The following OSBP2 variants were observed in gnomAD, a reference collection of about 807,000 sequenced individuals.
The protein encoded by OSBP2 is oxysterol-binding protein 2.
A neutral mutation model predicts 96.0 loss-of-function variants in OSBP2; 66 were observed. The observed-to-expected ratio is 0.69, with a 90% CI of 0.56 to 0.84. The LOEUF is 0.84. OSBP2 is among the 40% of genes least tolerant of loss of function. OSBP2 has a pLI of 0.00. For synonymous variants in OSBP2, 525 were observed against 520.9 expected (o/e 1.01, Z -0.11); for missense variants, 1,038 against 1,222.7 (o/e 0.85, Z 2.25).
intron 1 of OSBP2, among the ~76,000 whole-genome samples, chr22:30,696,075 T>A (rs1304924017): frequency 1.3e-5 from 2 of 152,140 alleles, no homozygotes; most frequent in East Asian, 3.9e-4. Context: ...CACCACAGAC[T>A]CACAGATGTA....
chr22:30,836,734 C>A (rs761495649), intron 2 of OSBP2, among the ~76,000 whole-genome samples: 69 of 152,208 alleles, frequency 4.5e-4, no homozygotes, highest in Admixed American at 1.0e-3. Context: ...GCCCCAGGGT[C>A]AGCAGACACA....
At chr22:30,853,960 C>T (rs530605144) in intron 2 of OSBP2, among the ~76,000 whole-genome samples, 34 of 152,028 alleles carry the variant, frequency 2.2e-4, no homozygotes, top group East Asian at 5.8e-4. Context: ...GGGGTTTCAC[C>T]GTGTTAGCCA....
In OSBP2 at chr22:30,736,812, G is replaced by A. The variant is rs368607121; in HGVS notation, c.645-4349G>A. Reference sequence around the variant, plus strand: ...AATCCAAGATTCTGTATTGCATTTAGTGATTTTTCTGTGTCCATAATTTCA... The same window carrying A: ...AATCCAAGATTCTGTATTGCATTTAATGATTTTTCTGTGTCCATAATTTCA... On this transcript the variant is annotated intron_variant, in intron 1 of 13. Coordinates refer to ENST00000332585, the MANE Select transcript of OSBP2 (RefSeq NM_030758.4). Among the ~76,000 whole-genome samples, 104 of 152,144 alleles carry A rather than the reference G, an allele frequency of 6.8e-4. 1 individual carries two copies. The South Asian group carries it at 0.02, about 29-fold the overall frequency.
chr22:30,888,490 G>A (rs2039866590), intron 5 of OSBP2, 150 bp downstream of exon 5: 1 of 650,556 alleles, frequency 1.5e-6, no homozygotes, highest in Non-Finnish European at 2.7e-6. Flanking sequence ...ACTTTGGGAG[G>A]CCAAGGGTAA....
chr22:30,795,896 T>C (rs2145833287), intron 2 of OSBP2, among the ~76,000 whole-genome samples: 1 of 152,398 alleles, frequency 6.6e-6, no homozygotes, highest in Middle Eastern at 3.4e-3. Context: ...TTTCCAATTC[T>C]GTTGAAATGC....
intron 2 of OSBP2, among the ~76,000 whole-genome samples, chr22:30,742,880 G>C (rs2089957745): frequency 6.6e-6 from 1 of 152,138 alleles, no homozygotes; most frequent in Non-Finnish European, 1.5e-5. Context: ...GGGTCAGTGG[G>C]CGCGTACATT....
chr22:30,802,592 A>G (rs572577160), intron 2 of OSBP2, among the ~76,000 whole-genome samples: 1 of 152,310 alleles, frequency 6.6e-6, no homozygotes, highest in East Asian at 1.9e-4. Context: ...TAAGAGGCTG[A>G]GGTGCGCCTT....
chr22:30,802,706 G>A (rs2090868420), intron 2 of OSBP2, among the ~76,000 whole-genome samples: 1 of 152,270 alleles, frequency 6.6e-6, no homozygotes, highest in African/African-American at 2.4e-5. Flanking sequence ...GCTGAGGCGT[G>A]CCGGATCCTC....
chr22:30,896,679 GCT>G lies in OSBP2; in HGVS notation c.2375+2681_2375+2682del, dbSNP rs112876554. 5.5e-3 allele frequency among the ~76,000 whole-genome samples: 810 copies of G among 148,160 alleles called. 11 individuals are homozygous for G. The highest frequency in any genetic ancestry group is 0.02 in the African/African-American group (789 of 39,964). ...TTTTTTTTTTAAGAGACAGAGTCTCGCTCTGTTACCCAGGCTGGTATCCAGTG... is the reference window on the plus strand; with the variant it reads ...TTTTTTTTTTAAGAGACAGAGTCTCGCTGTTACCCAGGCTGGTATCCAGTG... On this transcript the variant is annotated intron_variant, in intron 12 of 13. Transcript: ENST00000332585.
chr22:30,862,255 C>T (rs1320263550), intron 2 of OSBP2, among the ~76,000 whole-genome samples: 1 of 152,214 alleles, frequency 6.6e-6, no homozygotes, highest in Non-Finnish European at 1.5e-5. Flanking sequence ...CCCTCTAGGC[C>T]AGGTTGGAGG....
At chr22:30,709,848 A>G (rs2089318193) in intron 1 of OSBP2, among the ~76,000 whole-genome samples, 1 of 151,070 alleles carries the variant, frequency 6.6e-6, no homozygotes, top group South Asian at 2.1e-4. Flanking sequence ...AGATTAGTCT[A>G]ATTCTATCAC....
At chr22:30,796,065 A>G (rs751617691) in intron 2 of OSBP2, among the ~76,000 whole-genome samples, 16 of 152,134 alleles carry the variant, frequency 1.1e-4, no homozygotes, top group Non-Finnish European at 2.4e-4. Flanking sequence ...AGCCATCTGT[A>G]TTTTTGAAAG....
intron 2 of OSBP2, among the ~76,000 whole-genome samples, chr22:30,766,154 G>C (rs1202095110): frequency 6.6e-6 from 1 of 152,220 alleles, no homozygotes; most frequent in Non-Finnish European, 1.5e-5. Context: ...GCGATCACTT[G>C]AGCCCAGGAG....
intron 2 of OSBP2, among the ~76,000 whole-genome samples, chr22:30,811,699 C>T (rs968504141): frequency 3.3e-5 from 5 of 151,608 alleles, no homozygotes; most frequent in Admixed American, 2.0e-4. Context: ...GGATTACAGG[C>T]GCCCACCACC....
chr22:30,731,667 A>G (rs1019704883), intron 1 of OSBP2: 4 of 154,596 alleles, frequency 2.6e-5, no homozygotes, highest in East Asian at 1.9e-4. Flanking sequence ...CTCCTACTTC[A>G]ATGTGGGAAT....
chr22:30,797,547 G>A (rs136281), intron 2 of OSBP2, among the ~76,000 whole-genome samples: 28,967 of 151,552 alleles, frequency 0.19, 2,849 homozygotes, highest in Middle Eastern at 0.24. Flanking sequence ...CTCCCAAAGT[G>A]CTGGGATTAT....
intron 1 of OSBP2, among the ~76,000 whole-genome samples, chr22:30,709,704 A>AG (rs201617812): frequency 1.3e-5 from 2 of 148,630 alleles, no homozygotes; most frequent in African/African-American, 5.2e-5. Context: ...TATTTAAAAA[A>AG]AATTTTTTTT....
At position 30,888,205 on chromosome 22, in the gene OSBP2, C is replaced by T. The variant is rs779664632; in HGVS notation, c.1301-18C>T. 5 of 1,499,286 alleles carry T rather than the reference C, an allele frequency of 3.3e-6. No homozygotes were observed. Among genetic ancestry groups the T allele is most frequent in the East Asian group, 2.3e-5 (1 of 44,374 alleles). The allele number at this position is 1,499,286 out of a possible 1,614,324, so 92.9% of individuals were successfully genotyped here. Reference sequence around the variant, plus strand: ...CCTTTTGTGAGGTTACAAATTAAAGCTCTGTCTGTGTCTCTAGGAAGCCTC... The same window carrying T: ...CCTTTTGTGAGGTTACAAATTAAAGTTCTGTCTGTGTCTCTAGGAAGCCTC... On this transcript the variant is annotated intron_variant, in intron 4 of 13. Transcript: ENST00000332585.
At chr22:30,829,219 G>C (rs1438085927) in intron 2 of OSBP2, among the ~76,000 whole-genome samples, 2 of 152,204 alleles carry the variant, frequency 1.3e-5, no homozygotes, top group African/African-American at 4.8e-5. Flanking sequence ...GCTGCTGTGG[G>C]CTCACTTGGC....
Sources: gnomAD v4.1 joint callset for allele counts (sites outside exome capture counted in the v4.1 genomes callset) on GRCh38, gnomAD v4.1.1 for gene constraint, MANE v1.5 for transcripts, NCBI Gene and HGNC (gene_info 2026-07-23, HGNC 2026-07-21) for gene names.